ZNF469: variants seen among roughly 807,000 people sequenced by gnomAD.
ZNF469 encodes the protein zinc finger protein 469.
A neutral mutation model predicts 1.0 loss-of-function variants in ZNF469; 1 was observed. The observed-to-expected ratio is 1.00, with a 90% CI of 0.35 to 4.73. The LOEUF (loss-of-function observed/expected upper bound fraction) is 4.73, where lower values mean the gene tolerates loss of function less well. ZNF469 is among the 30% of genes most tolerant of loss of function. The pLI is 0.16. For synonymous variants in ZNF469, 2,703 were observed against 2,363.4 expected (o/e 1.14, Z -4.17); for missense variants, 6,100 against 5,356.3 (o/e 1.14, Z -4.33).
chr16:88,382,971 CGCCG>C lies in ZNF469; in HGVS notation c.-468_-465del, dbSNP rs2092529082. Among the ~76,000 whole-genome samples, 1 of 151,774 alleles carries C rather than the reference CGCCG, an allele frequency of 6.6e-6. No individual in the cohort carries two copies. The highest frequency in any genetic ancestry group is 1.5e-5 in the Non-Finnish European group (1 of 67,888). ...GCCTCCGGGGGGCAGACCCCGCGGCCGCCGGCCGGCGTCCGGCCTTCCCAGCACC... is the reference window on the plus strand; with the variant it reads ...GCCTCCGGGGGGCAGACCCCGCGGCCGCCGGCGTCCGGCCTTCCCAGCACC... On this transcript the variant is annotated 5_prime_UTR_variant, in exon 1 of 3. Coordinates refer to ENST00000565624, the MANE Select transcript of ZNF469 (RefSeq NM_001367624.2).
chr16:88,382,561 T>C (rs1408327473), upstream of ZNF469, among the ~76,000 whole-genome samples: 10 of 152,196 alleles, frequency 6.6e-5, no homozygotes, highest in African/African-American at 2.4e-4. Flanking sequence ...AAACCGAACT[T>C]GCCCAGGCAG....
upstream of ZNF469, among the ~76,000 whole-genome samples, chr16:88,382,189 CCT>C (rs1239836183): frequency 6.6e-6 from 1 of 152,248 alleles, no homozygotes; most frequent in African/African-American, 2.4e-5. Context: ...CCCACACGCC[CCT>C]GTCTGGGACA....
chr16:88,114,037 C>T, the ZNF469 span, among the ~76,000 whole-genome samples: 2 of 152,142 alleles, frequency 1.3e-5, no homozygotes, highest in African/African-American at 4.8e-5. Flanking sequence ...GGAAGGGTCT[C>T]CCCCACCCCA....
At chr16:88,332,451 C>T in the ZNF469 span, among the ~76,000 whole-genome samples, 2,092 of 152,356 alleles carry the variant, frequency 0.014, 34 homozygotes, top group African/African-American at 0.047. Flanking sequence ...AGCACCGCCA[C>T]GCTTGGGCAC....
At chr16:88,377,731 CCT>C in the ZNF469 span, among the ~76,000 whole-genome samples, 1 of 152,242 alleles carries the variant, frequency 6.6e-6, no homozygotes, top group African/African-American at 2.4e-5. Context: ...AAGCCTTCCC[CCT>C]GTCCCAGCTG....
the ZNF469 span, among the ~76,000 whole-genome samples, chr16:88,292,288 C>T: frequency 1.3e-5 from 2 of 152,280 alleles, no homozygotes; most frequent in East Asian, 3.9e-4. Context: ...GCACCGAGGA[C>T]CATGCATTTC....
At chr16:88,120,541 G>A in the ZNF469 span, among the ~76,000 whole-genome samples, 3 of 152,244 alleles carry the variant, frequency 2.0e-5, no homozygotes, top group Non-Finnish European at 4.4e-5. Context: ...GCAGGCGGCC[G>A]GATGCTGGAC....
the ZNF469 span, among the ~76,000 whole-genome samples, chr16:88,122,286 C>T: frequency 7.4e-4 from 111 of 149,904 alleles, 3 homozygotes; most frequent in African/African-American, 2.5e-3. Context: ...TCACTTGCTA[C>T]GGCCACGATG....
the ZNF469 span, among the ~76,000 whole-genome samples, chr16:88,152,933 C>T: frequency 5.3e-5 from 8 of 152,310 alleles, no homozygotes; most frequent in South Asian, 2.1e-4. This position sits in a 1 kb window ranked among gnomAD's most constrained non-coding sequence, Gnocchi z 4.2. Context: ...CTCCAAATGC[C>T]GTCTCCTCCA....
At chr16:88,326,994 T>G in the ZNF469 span, among the ~76,000 whole-genome samples, 1 of 152,162 alleles carries the variant, frequency 6.6e-6, no homozygotes, top group East Asian at 1.9e-4. Context: ...GTCTTTGGTT[T>G]GAGCTGTCTC....
In ZNF469 at chr16:88,433,038, G is replaced by A; in HGVS notation, c.5568G>A (p.Glu1856=). The A allele has an allele frequency of 6.5e-7, 1 of 1,550,384 alleles. No homozygotes were observed. The part of the protein sequence containing the change: ...TAGRPGFEGN[E]FAPAGASSLT... ...GGAGGCCTGGCTTTGAGGGTAATGAGTTTGCACCGGCGGGGGCCTCCTCAC... is the reference window on the plus strand; with the variant it reads ...GGAGGCCTGGCTTTGAGGGTAATGAATTTGCACCGGCGGGGGCCTCCTCAC... The change falls in exon 3 of 3, where the codon GAG becomes GAA. Residue 1856 remains glutamate (E), a synonymous_variant. Coordinates refer to ENST00000565624, the MANE Select transcript of ZNF469 (RefSeq NM_001367624.2).
chr16:88,437,131 A>G lies in ZNF469; in HGVS notation c.9661A>G (p.Ser3221Gly), dbSNP rs1261907349. The G allele has an allele frequency of 1.9e-6, 3 of 1,548,502 alleles. No individual in the cohort carries two copies. The highest frequency in any genetic ancestry group is 2.7e-5 in the African/African-American group (2 of 73,032). ...GGACCTGCCCGGAGGCCTGGAGGGC[A>G]GCAGCGCTGTCGCCCACCTTCTGAA... ...LGDLPGGLEGSSAVAHLLNSI... is the reference protein window; with the variant it reads ...LGDLPGGLEGGSAVAHLLNSI... The change falls in exon 3 of 3, where the codon AGC (serine) becomes GGC (glycine). Residue 3221 changes from serine (S) to glycine (G), a missense_variant. Coordinates refer to ENST00000565624, the MANE Select transcript of ZNF469 (RefSeq NM_001367624.2).
intron 1 of ZNF469, among the ~76,000 whole-genome samples, chr16:88,386,649 A>G (rs2092537337): frequency 1.3e-5 from 2 of 151,968 alleles, no homozygotes; most frequent in African/African-American, 4.8e-5. Context: ...CTTTCCAGAC[A>G]CAGCTCCATC....
At chr16:88,406,449 C>T (rs78433103) in intron 1 of ZNF469, among the ~76,000 whole-genome samples, 5,390 of 152,344 alleles carry the variant, frequency 0.035, 136 homozygotes, top group Non-Finnish European at 0.055. Flanking sequence ...TCCTCCCTGC[C>T]GTGCGGGCTG....
Position 88,430,387 on chromosome 16 carries a change from G to C in ZNF469, c.2917G>C (p.Gly973Arg), listed in dbSNP as rs966222932. ...AAEGSGSGGG[G>R]RASGLRPRRN... The stretch of plus-strand genomic sequence containing the variant: ...AGAGGGGTCGGGGTCGGGCGGCGGC[G>C]GCAGAGCCTCCGGCCTGAGGCCCCG... Residue 973 changes from glycine (G) to arginine (R), a missense_variant, in exon 3 of 3, where the codon GGC becomes CGC. By Grantham distance (125) the Gly-to-Arg change is moderately radical (BLOSUM62 -2). Coordinates refer to ENST00000565624, the MANE Select transcript of ZNF469 (RefSeq NM_001367624.2). 8 of 1,517,054 alleles carry C rather than the reference G, an allele frequency of 5.3e-6. No homozygotes were observed. Among genetic ancestry groups the C allele is most frequent in the African/African-American group, 2.8e-5 (2 of 72,304 alleles). The allele number at this position is 1,517,054 out of a possible 1,614,324, so 94.0% of individuals were successfully genotyped here. A position where few individuals can be genotyped will look rare whatever the true frequency, so the allele number is the denominator to read the frequency against.
At chr16:88,347,933 G>A in the ZNF469 span, among the ~76,000 whole-genome samples, 1 of 152,238 alleles carries the variant, frequency 6.6e-6, no homozygotes, top group African/African-American at 2.4e-5. Flanking sequence ...CTCAGACCAG[G>A]CAGGGCAGGG....
chr16:88,419,707 C>A (rs961138142), intron 1 of ZNF469, among the ~76,000 whole-genome samples: 1 of 152,212 alleles, frequency 6.6e-6, no homozygotes, highest in Non-Finnish European at 1.5e-5. Context: ...CCTCCAACAG[C>A]CAGGAATGCC....
the ZNF469 span, among the ~76,000 whole-genome samples, chr16:88,152,470 C>T: frequency 7.9e-5 from 12 of 152,260 alleles, no homozygotes; most frequent in East Asian, 1.4e-3. The surrounding 1 kb of genome is among the most constrained non-coding windows in gnomAD (Gnocchi z 4.2). Flanking sequence ...GCTGCCCCCG[C>T]GGTCCCAGAT....
intron 1 of ZNF469, among the ~76,000 whole-genome samples, chr16:88,389,477 C>T (rs1261167117): frequency 6.6e-6 from 1 of 152,208 alleles, no homozygotes; most frequent in African/African-American, 2.4e-5. Context: ...TTTTGTGTAC[C>T]GCTTCTGTGT....
Sources: allele counts gnomAD v4.1 joint callset (sites outside exome capture counted in the v4.1 genomes callset), GRCh38; gene constraint gnomAD v4.1.1; non-coding constraint Gnocchi (gnomAD v3.1); transcripts MANE v1.5; gene names NCBI Gene and HGNC (gene_info 2026-07-23, HGNC 2026-07-21).